The following SMC5 variants were observed in gnomAD, a reference collection of about 807,000 sequenced individuals.
SMC5 encodes structural maintenance of chromosomes protein 5.
SMC5 carries 88 observed loss-of-function variants against 148.3 expected under a neutral mutation model. That is an observed-to-expected ratio of 0.59 (90% CI 0.50 to 0.71). SMC5 has a LOEUF of 0.71. SMC5 is among the 30% of genes least tolerant of loss of function. The probability of loss-of-function intolerance (pLI) is 0.00; values close to 1 mark genes in which losing one functional copy is unlikely to be tolerated. For missense variants in SMC5, 1,142 were observed against 1,298.9 expected (o/e 0.88, Z 1.86); for synonymous variants, 421 against 432.8 (o/e 0.97, Z 0.34).
At chr9:70,268,584 C>A (rs184025262) in intron 3 of SMC5, among the ~76,000 whole-genome samples, 2 of 148,898 alleles carry the variant, frequency 1.3e-5, no homozygotes, top group East Asian at 2.0e-4. Context: ...CAATATTTTT[C>A]ACAAATTTAA....
chr9:70,298,127 T>C lies in SMC5; in HGVS notation c.1215T>C (p.Asn405=), dbSNP rs1375865179. 1 of 1,613,858 alleles carries C rather than the reference T, an allele frequency of 6.2e-7. No homozygotes were observed. The highest frequency in any genetic ancestry group is 2.2e-5 in the East Asian group (1 of 44,868). ...NLQPQIDAIT[N]DLRRIQDEKA... ...AGCCCCAGATTGATGCCATTACAAA[T>C]GATCTGAGACGGATTCAGGATGAAA... Residue 405 remains asparagine, a synonymous_variant, in exon 9 of 25, where the codon AAT becomes AAC. Coordinates refer to ENST00000361138, the MANE Select transcript of SMC5 (RefSeq NM_015110.4).
intron 4 of SMC5, 32 bp downstream of exon 4, chr9:70,277,504 A>G: frequency 7.8e-6 from 12 of 1,540,084 alleles, no homozygotes; most frequent in African/African-American, 1.4e-5. Flanking sequence ...AGATGGGAAA[A>G]TTTTGTATAT....
chr9:70,259,212 C>T lies in SMC5; in HGVS notation c.134C>T (p.Ser45Phe), dbSNP rs781657426. Residue 45 changes from serine to phenylalanine, a missense_variant, in exon 1 of 25, where the codon TCC (serine) becomes TTC (phenylalanine). This residue lies in a region of SMC5 where 297 missense variants were observed against 302.6 expected (regional missense o/e 0.98). Coordinates refer to ENST00000361138, the MANE Select transcript of SMC5 (RefSeq NM_015110.4). The part of the protein sequence containing the change: ...SAPQLPLLQS[S>F]GPFVEGSIVR... ...CCGCAGCTGCCGCTGTTGCAGTCGT[C>T]CGGGCCTTTCGTGGAAGGCTCTATC... The T allele has an allele frequency of 1.2e-6, 2 of 1,606,642 alleles. No homozygotes were observed. The highest frequency in any genetic ancestry group is 2.2e-5 in the South Asian group (2 of 89,672).
intron 17 of SMC5, among the ~76,000 whole-genome samples, chr9:70,334,195 A>T (rs2036298729): frequency 1.3e-5 from 2 of 151,716 alleles, no homozygotes; most frequent in Admixed American, 1.3e-4. Flanking sequence ...CTTTGTAACA[A>T]ACAGTGCTGG....
At position 70,323,598 on chromosome 9, in the gene SMC5, C is replaced by T; in HGVS notation, c.2266C>T (p.Leu756=). 1 of 1,610,104 alleles carries T rather than the reference C, an allele frequency of 6.2e-7. No homozygotes were observed. Among genetic ancestry groups the T allele is most frequent in the Non-Finnish European group, 8.5e-7 (1 of 1,178,238 alleles). ...KAKLVTELTN[L]IKICTSLHIQ... is the part of the protein sequence containing the mutation. ...GAAACTTGTTACCGAATTAACAAAC[C>T]TAATAAAGGTAAGGTATTGTTTTAA... is the stretch of plus-strand genomic sequence containing the variant. Residue 756 remains leucine (L), a synonymous_variant, in exon 16 of 25, where the codon CTA becomes TTA. Coordinates refer to ENST00000361138, the MANE Select transcript of SMC5 (RefSeq NM_015110.4).
chr9:70,275,843 T>A (rs1365837640), intron 3 of SMC5, among the ~76,000 whole-genome samples: 1 of 152,184 alleles, frequency 6.6e-6, no homozygotes, highest in Non-Finnish European at 1.5e-5. Context: ...TTTTATTATC[T>A]CTTTAAATAT....
chr9:70,331,167 T>C (rs1052441353), intron 17 of SMC5, among the ~76,000 whole-genome samples: 3 of 152,208 alleles, frequency 2.0e-5, no homozygotes, highest in Non-Finnish European at 2.9e-5. Flanking sequence ...CAGTTTTTAA[T>C]TTTAAATTTA....
intron 3 of SMC5, among the ~76,000 whole-genome samples, chr9:70,272,107 T>C (rs1273251278): frequency 6.6e-6 from 1 of 152,170 alleles, no homozygotes; most frequent in Non-Finnish European, 1.5e-5. Flanking sequence ...CTATGAGAGA[T>C]GATAGCTTAT....
At position 70,315,596 on chromosome 9, in the gene SMC5, C is replaced by A; in HGVS notation, c.1806+18C>A. On this transcript the variant is annotated intron_variant, in intron 13 of 24. Coordinates refer to ENST00000361138, the MANE Select transcript of SMC5 (RefSeq NM_015110.4). ...TTGAACGGGTAGGAAAGTAGTGAATCATGTACTGAATCATGTACCAAAAAT... is the reference window on the plus strand; with the variant it reads ...TTGAACGGGTAGGAAAGTAGTGAATAATGTACTGAATCATGTACCAAAAAT... 1.3e-6 allele frequency: 2 copies of A among 1,515,112 alleles called. No individual in the cohort carries two copies. The highest frequency in any genetic ancestry group is 2.7e-5 in the South Asian group (2 of 73,556). 93.9% of individuals were successfully genotyped at this position (1,515,112 alleles called of 1,614,324 possible).
chr9:70,267,032 CT>C (rs60909552), intron 2 of SMC5, among the ~76,000 whole-genome samples: 29,851 of 133,166 alleles, frequency 0.22, 2,936 homozygotes, highest in East Asian at 0.3. Context: ...CAAGATAAGG[CT>C]TTTTTTTTTT....
At chr9:70,329,728 CT>C (rs1326256864) in intron 17 of SMC5, among the ~76,000 whole-genome samples, 2 of 152,162 alleles carry the variant, frequency 1.3e-5, no homozygotes, top group Non-Finnish European at 2.9e-5. Flanking sequence ...TTTCAGTTAT[CT>C]TTATAGCAAT....
chr9:70,289,514 A>T (rs1484688920), intron 8 of SMC5, among the ~76,000 whole-genome samples: 1 of 151,854 alleles, frequency 6.6e-6, no homozygotes, highest in Admixed American at 6.6e-5. Flanking sequence ...TTGTTTTGAA[A>T]TTTTTTTCAA....
chr9:70,259,356 G>A, intron 1 of SMC5, 93 bp downstream of exon 1: 1 of 1,337,354 alleles, frequency 7.5e-7, no homozygotes, highest in Non-Finnish European at 1.0e-6. Context: ...GCGTGTGGGT[G>A]TGTACCTGGC....
At chr9:70,334,285 T>G (rs1448312998) in intron 17 of SMC5, among the ~76,000 whole-genome samples, 4 of 152,190 alleles carry the variant, frequency 2.6e-5, no homozygotes, top group Non-Finnish European at 4.4e-5. Context: ...GACTTAAATG[T>G]AAGAGCTAAA....
Position 70,323,523 on chromosome 9 carries a change from G to C in SMC5, c.2191G>C (p.Glu731Gln). 1 of 1,612,000 alleles carries C rather than the reference G, an allele frequency of 6.2e-7. No individual in the cohort carries two copies. Among genetic ancestry groups the C allele is most frequent in the Non-Finnish European group, 8.5e-7 (1 of 1,179,518 alleles). ...MEQDTCNLEEEERKASTKIKE... is the reference protein window; with the variant it reads ...MEQDTCNLEEQERKASTKIKE... ...ACAGGATACTTGCAATCTTGAAGAG[G>C]AAGAGCGAAAAGCAAGTACCAAAAT... The change falls in exon 16 of 25, where the codon GAA becomes CAA. Residue 731 changes from glutamate to glutamine, a missense_variant. This residue lies in a region of SMC5 where 743 missense variants were observed against 835.7 expected (regional missense o/e 0.89). Transcript: ENST00000361138.
At chr9:70,323,959 C>T in intron 16 of SMC5, 62 bp from the exon 17 acceptor site, 2 of 1,361,136 alleles carry the variant, frequency 1.5e-6, no homozygotes, top group Non-Finnish European at 2.0e-6. Flanking sequence ...AAAAACTATA[C>T]ATTTTTTAGT....
chr9:70,273,056 A>G lies in SMC5; in HGVS notation c.381-4254A>G, dbSNP rs529171687. Among the ~76,000 whole-genome samples, 22 of 152,288 alleles carry G rather than the reference A, an allele frequency of 1.4e-4. 1 individual carries two copies. In the South Asian group the frequency reaches 4.4e-3, roughly 30 times the overall value. ...TGATGTGTTGCTAGATGGGTTTTCT[A>G]GTATTTTATTTAGAATTTTTACATC... is the stretch of plus-strand genomic sequence containing the variant. On this transcript the variant is annotated intron_variant, in intron 3 of 24. Transcript: ENST00000361138.
chr9:70,340,687 C>A (rs1564070120), intron 17 of SMC5, among the ~76,000 whole-genome samples: 1 of 151,936 alleles, frequency 6.6e-6, no homozygotes, highest in African/African-American at 2.4e-5. Context: ...TTATTTGATT[C>A]TTATTTTAAT....
intron 8 of SMC5, among the ~76,000 whole-genome samples, chr9:70,295,960 C>G (rs1478499197): frequency 6.6e-6 from 1 of 151,944 alleles, no homozygotes; most frequent in Admixed American, 6.6e-5. Flanking sequence ...GCTTTTAGGC[C>G]CATTGAACAT....
Sources: allele counts gnomAD v4.1 joint callset (sites outside exome capture counted in the v4.1 genomes callset), GRCh38; gene constraint gnomAD v4.1.1; regional missense constraint gnomAD v4.1.1; transcripts MANE v1.5; gene names NCBI Gene and HGNC (gene_info 2026-07-23, HGNC 2026-07-21).